The following MPC1 variants were observed in gnomAD, a reference collection of about 807,000 sequenced individuals.
The protein encoded by MPC1 is HSPC040 protein.
MPC1 carries 6 observed loss-of-function variants against 13.9 expected under a neutral mutation model. That is an observed-to-expected ratio of 0.43 (90% CI 0.24 to 0.85). MPC1 has a LOEUF of 0.85. Among genes scored for constraint, MPC1 ranks in the 40% least tolerant of loss-of-function variants. The pLI is 0.24. For synonymous variants in MPC1, 47 were observed against 50.5 expected (o/e 0.93, Z 0.29); for missense variants, 115 against 143.3 (o/e 0.80, Z 1.01).
rs202074688 is a variant in MPC1 at position 166,379,683 on chromosome 6, T to C, written c.71+3123A>G. 7.2e-5 allele frequency among the ~76,000 whole-genome samples: 11 copies of C among 152,314 alleles called. No individual in the cohort carries two copies. In the East Asian group the frequency reaches 2.1e-3, roughly 29 times the overall value. ...TGAGAAAACCTCTAGACCCCTTCAG[T>C]AGGCTACAAAAAGAATGCAGAGGAT... On this transcript the variant is annotated intron_variant, in intron 1 of 4. Coordinates refer to ENST00000360961, the MANE Select transcript of MPC1 (RefSeq NM_016098.4).
At position 166,374,218 on chromosome 6, in the gene MPC1, C is replaced by T. The variant is rs148240165; in HGVS notation, c.72-3997G>A. ...ATGTTGGCCAGGCTGGTCTCAAACT[C>T]TTGACCTCAAGCGATCTGCCTGCCT... On this transcript the variant is annotated intron_variant, in intron 1 of 4. Coordinates refer to ENST00000360961, the MANE Select transcript of MPC1 (RefSeq NM_016098.4). Among the ~76,000 whole-genome samples, 956 of 152,286 alleles carry T rather than the reference C, an allele frequency of 6.3e-3. 11 individuals carry two copies. The highest frequency in any genetic ancestry group is 0.022 in the African/African-American group (918 of 41,550).
intron 1 of MPC1, among the ~76,000 whole-genome samples, chr6:166,382,577 A>G (rs977742236): frequency 6.6e-6 from 1 of 151,522 alleles, no homozygotes; most frequent in Non-Finnish European, 1.5e-5. Context: ...CCCCGCCCTG[A>G]AAGGCGCCCA....
intron 1 of MPC1, among the ~76,000 whole-genome samples, chr6:166,371,740 T>C (rs957759610): frequency 1.9e-4 from 29 of 152,196 alleles, no homozygotes; most frequent in African/African-American, 6.5e-4. Flanking sequence ...ATATATACTA[T>C]GTTTTTCTCC....
intron 1 of MPC1, among the ~76,000 whole-genome samples, chr6:166,382,473 C>T (rs555914380): frequency 1.3e-3 from 190 of 149,624 alleles, no homozygotes; most frequent in African/African-American, 4.7e-3. Flanking sequence ...GAGAGGACAC[C>T]CACTGTCACC....
intron 2 of MPC1, chr6:166,367,191 A>G: frequency 8.4e-7 from 1 of 1,193,398 alleles, no homozygotes; most frequent in Non-Finnish European, 1.1e-6. Flanking sequence ...TGTCCTATTT[A>G]GAACATTTAA....
At position 166,378,946 on chromosome 6, in the gene MPC1, C is replaced by T. The variant is rs771842912; in HGVS notation, c.71+3860G>A. ...AAGCTGGAAAGCAAGAGCTGGGCTT[C>T]AAATCCATCATTCAAACTCATCACC... On this transcript the variant is annotated intron_variant, in intron 1 of 4. Coordinates refer to ENST00000360961, the MANE Select transcript of MPC1 (RefSeq NM_016098.4). 5.9e-5 allele frequency among the ~76,000 whole-genome samples: 9 copies of T among 152,318 alleles called. No homozygotes were observed. In the South Asian group the frequency reaches 8.3e-4, roughly 14 times the overall value.
intron 2 of MPC1, 49 bp downstream of exon 2, chr6:166,370,169 A>G (rs1779324056): frequency 6.4e-6 from 5 of 781,070 alleles, no homozygotes; most frequent in Non-Finnish European, 1.2e-5. Context: ...AACTCTGTTA[A>G]TGCAGAAAGT....
Position 166,366,500 on chromosome 6 carries a change from A to C in MPC1, c.172+295T>G, listed in dbSNP as rs115139769. On this transcript the variant is annotated intron_variant, in intron 3 of 4. Transcript: ENST00000360961. ...AGTCAGTTTAATGACAGTTTCCCCC[A>C]AAAAAGTTCACAATATAAATCATTA... is the stretch of plus-strand genomic sequence containing the variant. 7.4e-3 allele frequency among the ~76,000 whole-genome samples: 1,127 copies of C among 152,296 alleles called. 18 individuals carry two copies. Among genetic ancestry groups the C allele is most frequent in the African/African-American group, 0.026 (1,079 of 41,560 alleles).
intron 1 of MPC1, among the ~76,000 whole-genome samples, chr6:166,373,798 G>A (rs1294887624): frequency 6.6e-6 from 1 of 152,202 alleles, no homozygotes; most frequent in Non-Finnish European, 1.5e-5. Context: ...TAGATGTTTA[G>A]TGGTATCTTG....
At chr6:166,375,867 A>G (rs926589787) in intron 1 of MPC1, among the ~76,000 whole-genome samples, 3 of 152,140 alleles carry the variant, frequency 2.0e-5, no homozygotes, top group Non-Finnish European at 4.4e-5. Flanking sequence ...CTGCTGTTAC[A>G]TGTAGCAGTC....
At chr6:166,367,604 G>A (rs1016253256) in intron 2 of MPC1, among the ~76,000 whole-genome samples, 2 of 152,186 alleles carry the variant, frequency 1.3e-5, no homozygotes, top group African/African-American at 4.8e-5. Context: ...AGTCGTCTGT[G>A]TTTGACAGCA....
Position 166,382,853 on chromosome 6 carries a change from T to C in MPC1, c.24A>G (p.Lys8=), listed in dbSNP as rs1472685809. The C allele has an allele frequency of 1.9e-6, 3 of 1,596,980 alleles. No homozygotes were observed. In the East Asian group the frequency reaches 6.9e-5, roughly 37 times the overall value. MAGALVR[K]AADYVRSKDF... The stretch of plus-strand genomic sequence containing the variant: ...CCTTGCTTCGGACATAGTCCGCCGC[T>C]TTCCGCACCAACGCGCCCGCCATGG... The change falls in exon 1 of 5, where the codon AAA becomes AAG. Residue 8 remains lysine, a synonymous_variant. Coordinates refer to ENST00000360961, the MANE Select transcript of MPC1 (RefSeq NM_016098.4).
At chr6:166,368,382 C>A (rs865874506) in intron 2 of MPC1, among the ~76,000 whole-genome samples, 17 of 151,868 alleles carry the variant, frequency 1.1e-4, no homozygotes, top group African/African-American at 3.6e-4. Flanking sequence ...ATGGTAAAAC[C>A]CTGTCTCTAC....
At chr6:166,379,901 G>T (rs759408523) in intron 1 of MPC1, among the ~76,000 whole-genome samples, 2 of 152,210 alleles carry the variant, frequency 1.3e-5, no homozygotes, top group African/African-American at 2.4e-5. Context: ...TATGTTCTAG[G>T]AAGAAATGTT....
intron 1 of MPC1, chr6:166,381,791 G>A (rs895479023): frequency 1.0e-6 from 1 of 981,116 alleles, no homozygotes; most frequent in African/African-American, 1.8e-5. Context: ...TTAGAGACAC[G>A]TCACTTTACT....
chr6:166,372,681 G>A (rs1039671595), intron 1 of MPC1, among the ~76,000 whole-genome samples: 1 of 151,236 alleles, frequency 6.6e-6, no homozygotes, highest in Non-Finnish European at 1.5e-5. Flanking sequence ...TATCTGAAAA[G>A]CATATTTGTG....
chr6:166,376,809 C>T (rs954080930), intron 1 of MPC1, among the ~76,000 whole-genome samples: 5 of 152,182 alleles, frequency 3.3e-5, no homozygotes, highest in African/African-American at 1.2e-4. Context: ...CATGGTACAC[C>T]TATCTCTACC....
chr6:166,373,274 C>T (rs1368965729), intron 1 of MPC1, among the ~76,000 whole-genome samples: 1 of 152,174 alleles, frequency 6.6e-6, no homozygotes, highest in Non-Finnish European at 1.5e-5. Context: ...TAGTTTCACT[C>T]TCTAAAAATC....
rs750600635 is a variant in MPC1, at chr6:166,382,838, G to A, written c.39C>T (p.Val13=). The A allele has an allele frequency of 2.5e-6, 4 of 1,597,716 alleles. No individual in the cohort carries two copies. The highest frequency in any genetic ancestry group is 1.7e-5 in the Admixed American group (1 of 58,752). The change falls in exon 1 of 5, where the codon GTC becomes GTT. Residue 13 remains valine (V), a synonymous_variant. Coordinates refer to ENST00000360961, the MANE Select transcript of MPC1 (RefSeq NM_016098.4). ...GGTAGTCCCGGAAATCCTTGCTTCG[G>A]ACATAGTCCGCCGCTTTCCGCACCA... The part of the protein sequence containing the change: ...GALVRKAADY[V]RSKDFRDYLM...
Sources: allele counts gnomAD v4.1 joint callset (sites outside exome capture counted in the v4.1 genomes callset), GRCh38; gene constraint gnomAD v4.1.1; transcripts MANE v1.5; gene names NCBI Gene and HGNC (gene_info 2026-07-23, HGNC 2026-07-21).